MECOM: variants seen among roughly 807,000 people sequenced by gnomAD.
The protein encoded by MECOM is histone-lysine N-methyltransferase MECOM.
In MECOM, 13 loss-of-function variants were observed where a neutral mutation model predicts 116.3. The ratio of observed to expected loss-of-function variants is 0.11; its 90% confidence interval spans 0.07 to 0.18. MECOM has a LOEUF of 0.18. Among genes scored for constraint, MECOM ranks in the 10% least tolerant of loss-of-function variants. The pLI is 1.00. For synonymous variants in MECOM, 528 were observed against 535.2 expected, an observed-to-expected ratio of 0.99 and a Z score of 0.19; for missense variants, 1,299 against 1,509.0, an observed-to-expected ratio of 0.86 and a Z score of 2.31.
At chr3:169,538,295 T>G (rs1015373711) in intron 1 of MECOM, among the ~76,000 whole-genome samples, 11 of 152,212 alleles carry the variant, frequency 7.2e-5, no homozygotes, top group African/African-American at 2.4e-4. Flanking sequence ...ATTCACCTAC[T>G]TTCTTCGGAT....
chr3:169,373,796 G>A (rs1290791), intron 2 of MECOM, among the ~76,000 whole-genome samples: 122,596 of 151,944 alleles, frequency 0.81, 50,076 homozygotes, highest in African/African-American at 0.94. Context: ...TGAATTCCAG[G>A]TTCTAGATTT....
At chr3:169,156,913 C>A (rs1742082410) in intron 2 of MECOM, among the ~76,000 whole-genome samples, 1 of 152,254 alleles carries the variant, frequency 6.6e-6, no homozygotes, top group East Asian at 1.9e-4. Flanking sequence ...ATATTAGATT[C>A]ATGTGTTATG....
chr3:169,268,790 T>C (rs1577530526), intron 2 of MECOM, among the ~76,000 whole-genome samples: 1 of 152,212 alleles, frequency 6.6e-6, no homozygotes, highest in Admixed American at 6.5e-5. Context: ...GTATTTCCTA[T>C]CGCACAACTC....
intron 1 of MECOM, among the ~76,000 whole-genome samples, chr3:169,489,720 C>T (rs889261214): frequency 6.6e-6 from 1 of 151,920 alleles, no homozygotes; most frequent in Admixed American, 6.6e-5. Flanking sequence ...ATCCTTACCT[C>T]GTATGCAAAC....
intron 1 of MECOM, among the ~76,000 whole-genome samples, chr3:169,388,917 T>C (rs1733807808): frequency 6.6e-6 from 1 of 152,168 alleles, no homozygotes; most frequent in Admixed American, 6.5e-5. Flanking sequence ...AAATATTTCA[T>C]ATACGAGTTG....
chr3:169,391,250 T>G (rs1734154052), intron 1 of MECOM, among the ~76,000 whole-genome samples: 1 of 152,162 alleles, frequency 6.6e-6, no homozygotes, highest in African/African-American at 2.4e-5. Flanking sequence ...TCAAAATGTT[T>G]TATTTGAAAA....
chr3:169,109,323 G>A (rs544349089), intron 9 of MECOM, among the ~76,000 whole-genome samples: 1 of 152,054 alleles, frequency 6.6e-6, no homozygotes, highest in African/African-American at 2.4e-5. Context: ...CACCTGGCCT[G>A]ATAGAGCAAA....
intron 1 of MECOM, among the ~76,000 whole-genome samples, chr3:169,560,019 A>T (rs1762467126): frequency 6.6e-6 from 1 of 152,318 alleles, no homozygotes; most frequent in Non-Finnish European, 1.5e-5. Context: ...TCATATAAAC[A>T]TAAAAGCCCT....
chr3:169,513,516 G>A (rs1241711173), intron 1 of MECOM, among the ~76,000 whole-genome samples: 1 of 152,208 alleles, frequency 6.6e-6, no homozygotes, highest in African/African-American at 2.4e-5. Flanking sequence ...ACTGTAAGTT[G>A]TGTCCTTTTT....
At chr3:169,569,383 G>A (rs1434773100) in intron 1 of MECOM, among the ~76,000 whole-genome samples, 1 of 152,062 alleles carries the variant, frequency 6.6e-6, no homozygotes, top group Non-Finnish European at 1.5e-5. Context: ...AATAATAGTG[G>A]GAGACTTTAA....
Position 169,114,183 on chromosome 3 carries a change from C to T in MECOM, c.2489+1200G>A, listed in dbSNP as rs913256940. Among the ~76,000 whole-genome samples the T allele has an allele frequency of 2.0e-5, 3 of 152,160 alleles. No individual in the cohort carries two copies. In the East Asian group the frequency reaches 5.8e-4, roughly 29 times the overall value. On this transcript the variant is annotated intron_variant, in intron 8 of 16. Transcript: ENST00000651503. ...TGACATACAATCTACACACAAAACACGGAAGACATGTTTTTCTTTTTTTTC... is the reference window on the plus strand; with the variant it reads ...TGACATACAATCTACACACAAAACATGGAAGACATGTTTTTCTTTTTTTTC...
intron 2 of MECOM, among the ~76,000 whole-genome samples, chr3:169,180,793 T>TGAGATA (rs760653350): frequency 1.4e-5 from 1 of 71,180 alleles, no homozygotes; most frequent in African/African-American, 6.4e-5. Context: ...TGTGTGGAGA[T>TGAGATA]GATATATATA....
intron 2 of MECOM, among the ~76,000 whole-genome samples, chr3:169,275,641 T>G (rs1371945231): frequency 6.6e-6 from 1 of 152,192 alleles, no homozygotes; most frequent in Non-Finnish European, 1.5e-5. Flanking sequence ...AATTTGATCA[T>G]GTGTGTGCCT....
chr3:169,424,259 A>T (rs1006155216), intron 1 of MECOM, among the ~76,000 whole-genome samples: 2 of 152,156 alleles, frequency 1.3e-5, no homozygotes, highest in Non-Finnish European at 2.9e-5. Flanking sequence ...AGGTTTCGTC[A>T]AATTCCTACC....
chr3:169,485,410 C>T (rs1221948321), intron 1 of MECOM, among the ~76,000 whole-genome samples: 1 of 152,104 alleles, frequency 6.6e-6, no homozygotes, highest in Non-Finnish European at 1.5e-5. Flanking sequence ...AGTTTAAATG[C>T]AAATTTACCT....
intron 1 of MECOM, among the ~76,000 whole-genome samples, chr3:169,433,319 T>C (rs777581292): frequency 1.7e-4 from 26 of 152,062 alleles, no homozygotes; most frequent in Non-Finnish European, 2.9e-4. Flanking sequence ...ACTACAAAAA[T>C]GTGCTGGGTG....
At chr3:169,322,811 A>C (rs1721089740) in intron 2 of MECOM, among the ~76,000 whole-genome samples, 1 of 151,938 alleles carries the variant, frequency 6.6e-6, no homozygotes, top group Non-Finnish European at 1.5e-5. Flanking sequence ...CAGCCTGGCC[A>C]ACATGGCAAA....
intron 1 of MECOM, among the ~76,000 whole-genome samples, chr3:169,654,179 C>CT (rs1424450218): frequency 6.6e-6 from 1 of 152,178 alleles, no homozygotes; most frequent in African/African-American, 2.4e-5. Flanking sequence ...TCAGTCAAAT[C>CT]TTTATCAGGA....
intron 1 of MECOM, among the ~76,000 whole-genome samples, chr3:169,433,635 GAAAGAGAAAGAAAGAA>G (rs1355346464): frequency 1.0e-4 from 9 of 86,350 alleles, no homozygotes; most frequent in Non-Finnish European, 1.7e-4. Flanking sequence ...GAAAGAAAGA[GAAAGAGAAAGAAAGAA>G]AGAAAGAAAG....
Sources: allele counts gnomAD v4.1 joint callset (sites outside exome capture counted in the v4.1 genomes callset), GRCh38; gene constraint gnomAD v4.1.1; transcripts MANE v1.5; gene names NCBI Gene and HGNC (gene_info 2026-07-23, HGNC 2026-07-21).